The following COL11A1 variants were observed in gnomAD, a reference collection of about 807,000 sequenced individuals.
COL11A1 encodes the protein collagen type XI alpha 1 chain, also known as collagen alpha-1(XI) chain.
In COL11A1, 74 loss-of-function variants were observed where a neutral mutation model predicts 265.2. The ratio of observed to expected loss-of-function variants is 0.28; its 90% CI spans 0.23 to 0.34. The LOEUF (loss-of-function observed/expected upper bound fraction) is 0.34, where lower values mean the gene tolerates loss of function less well. COL11A1 is among the 10% of genes least tolerant of loss of function. The probability of loss-of-function intolerance (pLI) is 1.00; values close to 1 mark genes in which losing one functional copy is unlikely to be tolerated. For missense variants in COL11A1, 2,165 were observed against 2,263.6 expected, an observed-to-expected ratio of 0.96 and a Z score of 0.88; for synonymous variants, 816 against 727.6, an observed-to-expected ratio of 1.12 and a Z score of -1.96.
At chr1:102,999,728 T>C (rs1374985902) in intron 24 of COL11A1, among the ~76,000 whole-genome samples, 16 of 151,842 alleles carry the variant, frequency 1.1e-4, no homozygotes, top group Admixed American at 9.2e-4. Context: ...TTAAATTGTA[T>C]TAAAATGTTA....
intron 48 of COL11A1, among the ~76,000 whole-genome samples, chr1:102,920,888 C>G (rs1445326540): frequency 1.3e-5 from 2 of 151,936 alleles, no homozygotes; most frequent in Admixed American, 1.3e-4. Context: ...AAATGAAGAC[C>G]AGAGACATGA....
chr1:102,889,577 GA>G lies in COL11A1; in HGVS notation c.4357-16del, dbSNP rs748850423. ...CCAGGATGTCCCTTTGAAAGGCAGA[GA>G]AAAAAAATAATAACATGTACATTAC... On this transcript the variant is annotated splice_polypyrimidine_tract_variant and intron_variant, in intron 58 of 66. Coordinates refer to ENST00000370096, the MANE Select transcript of COL11A1 (RefSeq NM_001854.4). The G allele has an allele frequency of 2.5e-5, 39 of 1,564,630 alleles. No homozygotes were observed. Among genetic ancestry groups the G allele is most frequent in the South Asian group, 4.5e-5 (4 of 89,866 alleles).
chr1:102,931,728 A>G (rs553481835), intron 46 of COL11A1, among the ~76,000 whole-genome samples: 1 of 152,108 alleles, frequency 6.6e-6, no homozygotes, highest in East Asian at 1.9e-4. Flanking sequence ...GTGGGAGTTA[A>G]GTCTCTTTGT....
chr1:102,888,503 A>T, intron 62 of COL11A1, 74 bp downstream of exon 62: 2 of 1,401,394 alleles, frequency 1.4e-6, no homozygotes, highest in South Asian at 1.2e-5. Context: ...TGTCTATCTT[A>T]TAAGTTCAGA....
chr1:102,903,012 C>A (rs1474819215), intron 54 of COL11A1, among the ~76,000 whole-genome samples: 2 of 151,820 alleles, frequency 1.3e-5, no homozygotes, highest in East Asian at 3.9e-4. Flanking sequence ...GCAATATGAG[C>A]CGAATTCAAA....
intron 5 of COL11A1, among the ~76,000 whole-genome samples, chr1:103,027,028 A>T (rs1487929249): frequency 6.6e-6 from 1 of 151,926 alleles, no homozygotes; most frequent in East Asian, 1.9e-4. Flanking sequence ...TTAATACATA[A>T]TTTTAATATT....
At position 102,946,903 on chromosome 1, in the gene COL11A1, T is replaced by C; in HGVS notation, c.3222A>G (p.Pro1074=). The stretch of plus-strand genomic sequence containing the variant: ...GAGGACCCTGAGGTCCCGGGCGCCC[T>C]GGTAAACCAATTGGGCCAGCTGTAC... The part of the protein sequence containing the change: ...SAGTAGPIGL[P]GRPGPQGPPG... Residue 1074 remains proline, a synonymous_variant, in exon 42 of 67, where the codon CCA becomes CCG. Transcript: ENST00000370096. 1 of 1,613,554 alleles carries C rather than the reference T, an allele frequency of 6.2e-7. No individual in the cohort carries two copies. The highest frequency in any genetic ancestry group is 1.7e-4 in the Middle Eastern group (1 of 6,056).
rs987667275 is a variant in COL11A1, at chr1:102,944,442, T to C, written c.3276+2407A>G. 2.6e-5 allele frequency among the ~76,000 whole-genome samples: 4 copies of C among 152,136 alleles called. No individual in the cohort carries two copies. In the East Asian group the frequency reaches 5.8e-4, roughly 22 times the overall value. On this transcript the variant is annotated intron_variant, in intron 42 of 66. Coordinates refer to ENST00000370096, the MANE Select transcript of COL11A1 (RefSeq NM_001854.4). ...ATTCTAAATAGCTAATTTTGGCTAA[T>C]AGAAAATGGAATGAGCATGCTGGAG... is the stretch of plus-strand genomic sequence containing the variant.
chr1:103,027,880 T>G (rs2101977809), intron 5 of COL11A1, among the ~76,000 whole-genome samples: 1 of 152,228 alleles, frequency 6.6e-6, no homozygotes, highest in Admixed American at 6.5e-5. Context: ...TAGGACAAAT[T>G]ATCTTCTAAC....
chr1:103,006,699 G>A (rs576148464), intron 15 of COL11A1, among the ~76,000 whole-genome samples: 5 of 151,662 alleles, frequency 3.3e-5, no homozygotes, highest in East Asian at 2.0e-4. Flanking sequence ...CACTATGCCC[G>A]GCTAATTTTT....
At position 102,923,379 on chromosome 1, in the gene COL11A1, C is replaced by A; in HGVS notation, c.3611G>T (p.Gly1204Val). The A allele has an allele frequency of 6.2e-7, 1 of 1,600,934 alleles. No individual in the cohort carries two copies. The highest frequency in any genetic ancestry group is 1.1e-5 in the South Asian group (1 of 89,248). The change falls in exon 47 of 67, where the codon GGC (glycine) becomes GTC (valine). Residue 1204 changes from glycine to valine, a missense_variant. By Grantham distance (109) the Gly-to-Val change is moderately radical. Coordinates refer to ENST00000370096, the MANE Select transcript of COL11A1 (RefSeq NM_001854.4). ...ATTTTCACCTTTTTCACCAGGTGGGCCTGGCAGACCCTAAGAAAATATAAT... is the reference window on the plus strand; with the variant it reads ...ATTTTCACCTTTTTCACCAGGTGGGACTGGCAGACCCTAAGAAAATATAAT... Reference protein sequence around the residue: ...PGPIGLQGLPGPPGEKGENGD... With the variant: ...PGPIGLQGLPVPPGEKGENGD...
chr1:103,018,025 G>A, intron 10 of COL11A1, 143 bp from the exon 11 acceptor site: 1 of 757,704 alleles, frequency 1.3e-6, no homozygotes, highest in Non-Finnish European at 2.3e-6. Context: ...TTATCTTCCT[G>A]TGAAAAGACA....
chr1:103,026,503 G>A (rs528657573), intron 5 of COL11A1, among the ~76,000 whole-genome samples, 171 bp from the exon 6 acceptor site: 23 of 152,270 alleles, frequency 1.5e-4, no homozygotes, highest in African/African-American at 5.5e-4. Context: ...CTTATACAGA[G>A]TATAATAACA....
chr1:103,105,307 A>C (rs1208790553), intron 1 of COL11A1, among the ~76,000 whole-genome samples: 1 of 152,132 alleles, frequency 6.6e-6, no homozygotes, highest in Non-Finnish European at 1.5e-5. Flanking sequence ...ATAAAATTGA[A>C]GTTAATGTAA....
chr1:103,036,326 A>G (rs1204839576), intron 4 of COL11A1, among the ~76,000 whole-genome samples: 2 of 4,874 alleles, frequency 4.1e-4, no homozygotes, highest in Admixed American at 7.8e-3. Flanking sequence ...GCTATCGTAT[A>G]TATATATATA....
At chr1:102,984,755 C>A (rs920026318) in intron 30 of COL11A1, among the ~76,000 whole-genome samples, 3 of 151,972 alleles carry the variant, frequency 2.0e-5, no homozygotes, top group Non-Finnish European at 4.4e-5. Flanking sequence ...CTCTAACATG[C>A]TGAAATATCT....
In COL11A1 at chr1:102,968,715, G is replaced by A. The variant is rs997338478; in HGVS notation, c.2862+1504C>T. 5.9e-5 allele frequency among the ~76,000 whole-genome samples: 9 copies of A among 152,098 alleles called. No homozygotes were observed. The East Asian group carries it at 7.7e-4, about 13-fold the overall frequency. On this transcript the variant is annotated intron_variant, in intron 37 of 66. Coordinates refer to ENST00000370096, the MANE Select transcript of COL11A1 (RefSeq NM_001854.4). ...ATTCCCTTAAAGTGGATGTGAAATC[G>A]GGAATATAATTTTTTCAGAAATAAT...
intron 20 of COL11A1, 42 bp from the exon 21 acceptor site, chr1:103,003,310 AAT>A: frequency 6.6e-7 from 1 of 1,515,608 alleles, no homozygotes; most frequent in Non-Finnish European, 9.1e-7. Flanking sequence ...AAAAAAAAAA[AAT>A]GTCCTAATAA....
chr1:102,921,450 G>A, intron 48 of COL11A1, 68 bp downstream of exon 48: 1 of 1,256,610 alleles, frequency 8.0e-7, no homozygotes, highest in Non-Finnish European at 1.2e-6. Context: ...CTCACAAAGA[G>A]CATCTGCTAT....
Sources: allele counts gnomAD v4.1 joint callset (sites outside exome capture counted in the v4.1 genomes callset), GRCh38; gene constraint gnomAD v4.1.1; transcripts MANE v1.5; gene names NCBI Gene and HGNC (gene_info 2026-07-23, HGNC 2026-07-21).